COMMD7: variants seen among roughly 807,000 people sequenced by gnomAD.
The protein encoded by COMMD7 is COMM domain containing 7, also known as COMM domain-containing protein 7.
A neutral mutation model predicts 34.8 loss-of-function variants in COMMD7; 28 were observed. That is an observed-to-expected ratio of 0.80 (90% confidence interval 0.60 to 1.10). COMMD7 has a LOEUF of 1.10. COMMD7 is among the 50% of genes least tolerant of loss of function. The pLI, the probability that COMMD7 is intolerant of heterozygous loss-of-function variation, is 0.00. For synonymous variants in COMMD7, 80 were observed against 86.4 expected, an observed-to-expected ratio of 0.93 and a Z score of 0.41; for missense variants, 211 against 241.6, an observed-to-expected ratio of 0.87 and a Z score of 0.84.
intron 3 of COMMD7, among the ~76,000 whole-genome samples, chr20:32,711,638 T>G (rs1350604566): frequency 6.6e-6 from 1 of 152,124 alleles, no homozygotes; most frequent in African/African-American, 2.4e-5. Flanking sequence ...CTCTCCATCC[T>G]GAAGTTACCT....
intron 3 of COMMD7, among the ~76,000 whole-genome samples, chr20:32,712,511 TAA>T (rs1238338144): frequency 8.0e-6 from 1 of 124,446 alleles, no homozygotes; most frequent in Non-Finnish European, 1.7e-5. Context: ...CGTCTCAAAT[TAA>T]AAAAAAAAAA....
intron 3 of COMMD7, among the ~76,000 whole-genome samples, chr20:32,709,626 A>G (rs1478835155): frequency 6.6e-6 from 1 of 152,158 alleles, no homozygotes; most frequent in South Asian, 2.1e-4. Flanking sequence ...AAAACCCTCT[A>G]CTATCTCCTA....
At chr20:32,734,297 AC>A (rs1163992972) in intron 1 of COMMD7, among the ~76,000 whole-genome samples, 2 of 151,664 alleles carry the variant, frequency 1.3e-5, no homozygotes, top group African/African-American at 4.9e-5. Context: ...AGATGGTGAA[AC>A]CCCGTCTCTA....
Position 32,706,571 on chromosome 20 carries a change from G to A in COMMD7, c.336+12C>T. The A allele has an allele frequency of 1.3e-6, 2 of 1,592,544 alleles. No individual in the cohort carries two copies. Among genetic ancestry groups the A allele is most frequent in the Non-Finnish European group, 1.7e-6 (2 of 1,162,530 alleles). On this transcript the variant is annotated intron_variant, in intron 5 of 8. Coordinates refer to ENST00000278980, the MANE Select transcript of COMMD7 (RefSeq NM_053041.3). ...TTAATCAGCCATTAACCTTGATTAA[G>A]AGGAATTATACCTTTTCAGAAAAGT...
intron 1 of COMMD7, among the ~76,000 whole-genome samples, chr20:32,740,172 C>T (rs1445407604): frequency 7.1e-6 from 1 of 141,188 alleles, no homozygotes; most frequent in Non-Finnish European, 1.5e-5. Flanking sequence ...AAAAAATCAG[C>T]CGGGCATGGT....
rs149323689 is a variant in COMMD7 at position 32,720,638 on chromosome 20, G to A, written c.241+7255C>T. The stretch of plus-strand genomic sequence containing the variant: ...AGCCAGGGCAACATGGTAAAACCTC[G>A]TCTCTACAAAAAATACAAAAATTAG... On this transcript the variant is annotated intron_variant, in intron 3 of 8. Coordinates refer to ENST00000278980, the MANE Select transcript of COMMD7 (RefSeq NM_053041.3). Among the ~76,000 whole-genome samples, 10 of 152,146 alleles carry A rather than the reference G, an allele frequency of 6.6e-5. No homozygotes were observed. The East Asian group carries it at 1.7e-3, about 26-fold the overall frequency.
intron 3 of COMMD7, among the ~76,000 whole-genome samples, chr20:32,708,701 G>A (rs1221213132): frequency 9.3e-5 from 9 of 96,600 alleles, no homozygotes; most frequent in East Asian, 8.6e-4. Flanking sequence ...TCACTCTATC[G>A]CCCAGGCTGG....
chr20:32,725,957 G>A (rs1024535029), intron 3 of COMMD7, among the ~76,000 whole-genome samples: 168 of 151,260 alleles, frequency 1.1e-3, no homozygotes, highest in African/African-American at 3.3e-3. Context: ...CAGCTACTCC[G>A]GAGGCTGATA....
chr20:32,735,466 A>G (rs930823619), intron 1 of COMMD7, among the ~76,000 whole-genome samples: 2 of 151,402 alleles, frequency 1.3e-5, no homozygotes, highest in South Asian at 2.1e-4. Flanking sequence ...ATAAGCGTGC[A>G]CTACCATGCC....
At chr20:32,733,468 C>T (rs1985957903) in intron 1 of COMMD7, among the ~76,000 whole-genome samples, 1 of 152,032 alleles carries the variant, frequency 6.6e-6, no homozygotes, top group Non-Finnish European at 1.5e-5. Flanking sequence ...CCTGTAATCC[C>T]AGCACTTTGG....
chr20:32,720,569 G>C (rs548336573), intron 3 of COMMD7, among the ~76,000 whole-genome samples: 1 of 152,034 alleles, frequency 6.6e-6, no homozygotes, highest in Non-Finnish European at 1.5e-5. Flanking sequence ...CAGCATTTTG[G>C]GAGGCCAAGG....
intron 3 of COMMD7, among the ~76,000 whole-genome samples, chr20:32,720,817 T>C (rs536204266): frequency 6.6e-6 from 1 of 152,078 alleles, no homozygotes; most frequent in Admixed American, 6.6e-5. Context: ...AGAAGGAAAA[T>C]ACAGACTCAA....
intron 3 of COMMD7, among the ~76,000 whole-genome samples, chr20:32,721,604 G>C (rs1985160629): frequency 6.6e-6 from 1 of 151,908 alleles, no homozygotes; most frequent in African/African-American, 2.4e-5. Flanking sequence ...AATCAGCTGA[G>C]CACAGTGGCT....
chr20:32,741,171 A>G (rs533622836), intron 1 of COMMD7, among the ~76,000 whole-genome samples: 101 of 151,662 alleles, frequency 6.7e-4, no homozygotes, highest in Middle Eastern at 3.4e-3. Context: ...AAAAAAACTG[A>G]CAGTAGGCTA....
chr20:32,703,335 A>C lies in COMMD7; in HGVS notation c.*47T>G. Reference sequence around the variant, plus strand: ...GCCTCTCAGAGCAGTCACCCAGGGAAGGGAGGAGGGCAGGGAACGGGGCCA... The same window carrying C: ...GCCTCTCAGAGCAGTCACCCAGGGACGGGAGGAGGGCAGGGAACGGGGCCA... On this transcript the variant is annotated 3_prime_UTR_variant, in exon 9 of 9. Coordinates refer to ENST00000278980, the MANE Select transcript of COMMD7 (RefSeq NM_053041.3). 1 of 1,544,158 alleles carries C rather than the reference A, an allele frequency of 6.5e-7. No individual in the cohort carries two copies. The highest frequency in any genetic ancestry group is 8.9e-7 in the Non-Finnish European group (1 of 1,121,766).
intron 1 of COMMD7, among the ~76,000 whole-genome samples, chr20:32,736,575 C>T (rs1986139166): frequency 6.6e-6 from 1 of 152,024 alleles, no homozygotes; most frequent in African/African-American, 2.4e-5. Context: ...GAGCCTGAGG[C>T]AGGAGAATCG....
At chr20:32,742,144 G>A (rs1018601487) in intron 1 of COMMD7, among the ~76,000 whole-genome samples, 3 of 151,884 alleles carry the variant, frequency 2.0e-5, no homozygotes, top group African/African-American at 4.8e-5. Flanking sequence ...CCGAGATCGC[G>A]CCACTGCACT....
At chr20:32,721,476 G>A (rs1020592341) in intron 3 of COMMD7, among the ~76,000 whole-genome samples, 3 of 151,624 alleles carry the variant, frequency 2.0e-5, no homozygotes, top group African/African-American at 7.3e-5. Flanking sequence ...TGGGCAGGAC[G>A]GCTTACGCCT....
chr20:32,715,724 T>C (rs980607985), intron 3 of COMMD7, among the ~76,000 whole-genome samples: 7 of 152,170 alleles, frequency 4.6e-5, no homozygotes, highest in Non-Finnish European at 8.8e-5. Flanking sequence ...GGAGGCTTAC[T>C]GGAGCTCAGG....
Sources: gnomAD v4.1 joint callset for allele counts (sites outside exome capture counted in the v4.1 genomes callset) on GRCh38, gnomAD v4.1.1 for gene constraint, MANE v1.5 for transcripts, NCBI Gene and HGNC (gene_info 2026-07-23, HGNC 2026-07-21) for gene names.